ZFHX3: variants seen among roughly 807,000 people sequenced by gnomAD.
ZFHX3 encodes the protein zinc finger homeobox protein 3.
A neutral mutation model predicts 279.1 loss-of-function variants in ZFHX3; 42 were observed. The ratio of observed to expected loss-of-function variants is 0.15; its 90% CI spans 0.12 to 0.19. ZFHX3 has a LOEUF of 0.19. Among genes scored for constraint, ZFHX3 ranks in the 10% least tolerant of loss-of-function variants. The pLI is 1.00. For synonymous variants in ZFHX3, 2,293 were observed against 1,957.8 expected, an observed-to-expected ratio of 1.17 and a Z score of -4.52; for missense variants, 4,981 against 4,754.0, an observed-to-expected ratio of 1.05 and a Z score of -1.40.
rs544745549 is a variant in ZFHX3, at chr16:73,661,617, G to A, written c.-1547+18563C>T. 5.9e-5 allele frequency among the ~76,000 whole-genome samples: 9 copies of A among 151,714 alleles called. No homozygotes were observed. In the South Asian group the frequency reaches 1.9e-3, roughly 32 times the overall value. ...CATGCTTGTAATCCCAGCTACTTGT[G>A]AGGCTGAGGCAGGAGAATCACTTGA... On this transcript the variant is annotated intron_variant, in intron 2 of 17. Transcript: ENST00000641206.
intron 4 of ZFHX3, among the ~76,000 whole-genome samples, chr16:73,288,333 A>T (rs558402695): frequency 6.6e-6 from 1 of 152,234 alleles, no homozygotes; most frequent in African/African-American, 2.4e-5. Context: ...ACATCCCTCC[A>T]TGTGGTTCTG....
At position 72,958,919 on chromosome 16, in the gene ZFHX3, C is replaced by T. The variant is rs537876924; in HGVS notation, c.1227G>A (p.Ser409=). Residue 409 remains serine (S), a synonymous_variant, in exon 2 of 10, where the codon TCG becomes TCA. Transcript: ENST00000268489. ...TLLNLGGLTS[S]VLKTPITSVP... Reference sequence around the variant, plus strand: ...CTGAGGTAATGGGGGTCTTCAGTACCGAGCTGGTGAGCCCGCCAAGGTTCA... The same window carrying T: ...CTGAGGTAATGGGGGTCTTCAGTACTGAGCTGGTGAGCCCGCCAAGGTTCA... The T allele has an allele frequency of 1.1e-5, 17 of 1,601,150 alleles. No individual in the cohort carries two copies. The highest frequency in any genetic ancestry group is 2.7e-5 in the African/African-American group (2 of 74,660).
intron 1 of ZFHX3, among the ~76,000 whole-genome samples, chr16:73,863,725 T>C (rs1266245206): frequency 6.6e-6 from 1 of 152,200 alleles, no homozygotes; most frequent in East Asian, 1.9e-4. Context: ...ATGGAATTTT[T>C]ATGCCTTCTT....
At chr16:73,885,902 G>A (rs767330983) in intron 1 of ZFHX3, among the ~76,000 whole-genome samples, 1 of 152,118 alleles carries the variant, frequency 6.6e-6, no homozygotes, top group Non-Finnish European at 1.5e-5. Context: ...CCCTGACTGA[G>A]GGAAATTTGC....
At position 72,796,782 on chromosome 16, in the gene ZFHX3, A is replaced by G. The variant is rs2035923156; in HGVS notation, c.5900T>C (p.Val1967Ala). 2 of 1,613,072 alleles carry G rather than the reference A, an allele frequency of 1.2e-6. No individual in the cohort carries two copies. Among genetic ancestry groups the G allele is most frequent in the Non-Finnish European group, 1.7e-6 (2 of 1,179,836 alleles). ...VIQYNENKQKVQKKNGKTDQG... is the reference protein window; with the variant it reads ...VIQYNENKQKAQKKNGKTDQG... ...GTCAGTCTTCCCATTCTTTTTCTGC[A>G]CCTTCTGCTTGTTCTCATTATACTG... Residue 1967 changes from valine (V) to alanine (A), a missense_variant, in exon 9 of 10, where the codon GTG (valine) becomes GCG (alanine). Transcript: ENST00000268489.
chr16:72,921,918 G>C (rs886532447), intron 3 of ZFHX3, among the ~76,000 whole-genome samples: 4 of 152,192 alleles, frequency 2.6e-5, no homozygotes, highest in Admixed American at 6.5e-5. Context: ...GATGCAAAAC[G>C]AAAGCAGGCC....
chr16:73,798,721 G>A (rs151225255), intron 1 of ZFHX3, among the ~76,000 whole-genome samples: 20 of 152,242 alleles, frequency 1.3e-4, no homozygotes, highest in Admixed American at 5.2e-4. Flanking sequence ...AACATCAACC[G>A]ATTCAGCAGA....
intron 1 of ZFHX3, among the ~76,000 whole-genome samples, chr16:73,716,716 G>A (rs921323618): frequency 7.2e-5 from 11 of 151,824 alleles, no homozygotes; most frequent in African/African-American, 2.7e-4. Context: ...AGCGTGCAGG[G>A]CCTTCACACA....
Position 73,316,911 on chromosome 16 carries a change from T to C in ZFHX3, c.-1194+1329A>G, listed in dbSNP as rs149872439. ...GAGGGAAATGCTTGCCAGTGTTTCC[T>C]GGCTGATTTTGGTATCATGCTGTTG... On this transcript the variant is annotated intron_variant, in intron 4 of 17. Transcript: ENST00000641206. 4.8e-3 allele frequency among the ~76,000 whole-genome samples: 730 copies of C among 152,334 alleles called. 6 individuals are homozygous for C. The highest frequency in any genetic ancestry group is 0.017 in the African/African-American group (700 of 41,566).
intron 3 of ZFHX3, among the ~76,000 whole-genome samples, chr16:73,349,616 C>CCCTCCCTT (rs201150372): frequency 0.086 from 5,163 of 59,960 alleles, 1,327 homozygotes; most frequent in African/African-American, 0.18. Context: ...CTTACTTCCT[C>CCCTCCCTT]CCTCCCTTCC....
chr16:73,316,070 C>T (rs1323403314), intron 4 of ZFHX3, among the ~76,000 whole-genome samples: 1 of 152,180 alleles, frequency 6.6e-6, no homozygotes, highest in Non-Finnish European at 1.5e-5. Context: ...AGGACAGTGT[C>T]TCCTTTGTTG....
intron 1 of ZFHX3, among the ~76,000 whole-genome samples, chr16:73,795,193 C>T (rs1959955708): frequency 6.6e-6 from 1 of 152,202 alleles, no homozygotes; most frequent in Non-Finnish European, 1.5e-5. Flanking sequence ...GATCAAATAC[C>T]CTGAGCATCT....
chr16:73,807,655 G>C (rs1162911671), intron 1 of ZFHX3, among the ~76,000 whole-genome samples: 1 of 105,024 alleles, frequency 9.5e-6, no homozygotes, highest in South Asian at 3.0e-4. Flanking sequence ...TTTTTTGGTA[G>C]AGGCAGGGCT....
At position 72,959,742 on chromosome 16, in the gene ZFHX3, T is replaced by C; in HGVS notation, c.404A>G (p.Tyr135Cys). 2 of 1,612,090 alleles carry C rather than the reference T, an allele frequency of 1.2e-6. No individual in the cohort carries two copies. Among genetic ancestry groups the C allele is most frequent in the Non-Finnish European group, 1.7e-6 (2 of 1,178,732 alleles). ...AATGTACGCGGAGCCGTCCGGCTGG[T>C]AGACGATCTCCCCGGCCAGGTTCTC... ...DVENLAGEIV[Y>C]QPDGSAYIVE... The change falls in exon 2 of 10, where the codon TAC (tyrosine) becomes TGC (cysteine). Residue 135 changes from tyrosine (Y) to cysteine (C), a missense_variant. By Grantham distance (194) the Tyr-to-Cys change is radical. Coordinates refer to ENST00000268489, the MANE Select transcript of ZFHX3 (RefSeq NM_006885.4).
At chr16:73,303,789 A>T (rs1395187787) in intron 4 of ZFHX3, among the ~76,000 whole-genome samples, 1 of 151,982 alleles carries the variant, frequency 6.6e-6, no homozygotes, top group African/African-American at 2.4e-5. Flanking sequence ...ACAGCAATTA[A>T]GTCTCTTAAC....
intron 2 of ZFHX3, among the ~76,000 whole-genome samples, chr16:73,607,497 CAT>C (rs1182267120): frequency 6.6e-6 from 1 of 152,170 alleles, no homozygotes. Flanking sequence ...ATAGCAAAGA[CAT>C]AGAATCAACC....
At chr16:73,340,751 C>T (rs1405371850) in intron 3 of ZFHX3, among the ~76,000 whole-genome samples, 1 of 152,094 alleles carries the variant, frequency 6.6e-6, no homozygotes, top group East Asian at 1.9e-4. Flanking sequence ...AGTTCTATCC[C>T]TCCAACCACA....
At chr16:73,517,145 G>GTGA (rs796853162) in intron 2 of ZFHX3, among the ~76,000 whole-genome samples, 17 of 152,128 alleles carry the variant, frequency 1.1e-4, no homozygotes, top group African/African-American at 3.6e-4. Flanking sequence ...TCCCGTTAAA[G>GTGA]TGATAACCTC....
chr16:73,859,038 A>T (rs1961812739), intron 1 of ZFHX3, among the ~76,000 whole-genome samples: 1 of 152,206 alleles, frequency 6.6e-6, no homozygotes, highest in African/African-American at 2.4e-5. Context: ...GGAGATGGTA[A>T]ATCCCCATCT....
Sources: allele counts gnomAD v4.1 joint callset (sites outside exome capture counted in the v4.1 genomes callset), GRCh38; gene constraint gnomAD v4.1.1; transcripts MANE v1.5; gene names NCBI Gene and HGNC (gene_info 2026-07-23, HGNC 2026-07-21).